SIL1: variants seen among roughly 807,000 people sequenced by gnomAD.
The protein encoded by SIL1 is nucleotide exchange factor SIL1.
SIL1 carries 40 observed loss-of-function variants against 49.1 expected under a neutral mutation model. That is an observed-to-expected ratio of 0.81 (90% CI 0.63 to 1.06). The LOEUF is 1.06. SIL1 is among the 50% of genes least tolerant of loss of function. The probability of loss-of-function intolerance (pLI) is 0.00; values close to 1 mark genes in which losing one functional copy is unlikely to be tolerated. For missense variants in SIL1, 500 were observed against 572.6 expected, an observed-to-expected ratio of 0.87 and a Z score of 1.29; for synonymous variants, 253 against 250.8, an observed-to-expected ratio of 1.01 and a Z score of -0.08.
At chr5:138,958,431 T>C (rs1303691097) in intron 7 of SIL1, among the ~76,000 whole-genome samples, 2 of 152,250 alleles carry the variant, frequency 1.3e-5, no homozygotes, top group African/African-American at 2.4e-5. Flanking sequence ...ATAAAAATAC[T>C]ATTTGTTCCT....
intron 7 of SIL1, among the ~76,000 whole-genome samples, chr5:139,004,940 C>T (rs1768075602): frequency 6.6e-6 from 1 of 151,998 alleles, no homozygotes; most frequent in Admixed American, 6.6e-5. Context: ...TGGTACTTAC[C>T]AAGGGCTGGG....
At chr5:139,022,654 G>T (rs953783650) in intron 6 of SIL1, 1 of 152,234 alleles carries the variant, frequency 6.6e-6, no homozygotes, top group Admixed American at 6.5e-5. Flanking sequence ...TGGGCCTCTG[G>T]TACCGCAGAC....
At chr5:139,011,512 T>C (rs1768271646) in intron 7 of SIL1, among the ~76,000 whole-genome samples, 1 of 152,214 alleles carries the variant, frequency 6.6e-6, no homozygotes, top group Admixed American at 6.5e-5. Flanking sequence ...TAAAAAATTA[T>C]TAATAGAGAC....
chr5:139,016,855 T>C (rs984999382), intron 7 of SIL1: 1 of 152,134 alleles, frequency 6.6e-6, no homozygotes, highest in Non-Finnish European at 1.5e-5. Context: ...TACTCTTTTT[T>C]TTTTCCCCCC....
At chr5:139,168,181 T>C (rs1205431594) in intron 1 of SIL1, among the ~76,000 whole-genome samples, 6 of 152,248 alleles carry the variant, frequency 3.9e-5, no homozygotes, top group Non-Finnish European at 7.3e-5. Flanking sequence ...TCTAGGTTTA[T>C]GTAAGTACAC....
At chr5:139,005,554 A>G (rs2150414972) in intron 7 of SIL1, among the ~76,000 whole-genome samples, 1 of 129,182 alleles carries the variant, frequency 7.7e-6, no homozygotes, top group East Asian at 2.3e-4. Flanking sequence ...TGCGCCCACT[A>G]ACTCATCATC....
At chr5:139,055,818 G>C (rs1004535214) in intron 3 of SIL1, among the ~76,000 whole-genome samples, 2 of 149,838 alleles carry the variant, frequency 1.3e-5, no homozygotes, top group African/African-American at 4.9e-5. Flanking sequence ...TTGCAGGCAC[G>C]CGCCGCCACG....
At chr5:138,985,022 G>A (rs538274442) in intron 7 of SIL1, among the ~76,000 whole-genome samples, 1 of 152,210 alleles carries the variant, frequency 6.6e-6, no homozygotes, top group African/African-American at 2.4e-5. Context: ...CGAGGTAATG[G>A]CAGGACATGG....
chr5:138,961,007 C>T (rs114000994), intron 7 of SIL1, among the ~76,000 whole-genome samples: 2,096 of 152,200 alleles, frequency 0.014, 49 homozygotes, highest in African/African-American at 0.047. Flanking sequence ...AATAATTCAT[C>T]AAGTAGAATG....
At chr5:139,197,866 G>C (rs575084775) in intron 1 of SIL1, among the ~76,000 whole-genome samples, 1 of 152,194 alleles carries the variant, frequency 6.6e-6, no homozygotes, top group African/African-American at 2.4e-5. Context: ...AGCAATAAGA[G>C]AGTGACAATA....
At chr5:139,082,520 C>G (rs545524579) in intron 3 of SIL1, among the ~76,000 whole-genome samples, 1 of 152,186 alleles carries the variant, frequency 6.6e-6, no homozygotes, top group Non-Finnish European at 1.5e-5. Context: ...AAGATAGGGC[C>G]TGGAAGCCCC....
intron 1 of SIL1, among the ~76,000 whole-genome samples, chr5:139,193,169 T>G (rs910639841): frequency 6.6e-6 from 1 of 152,012 alleles, no homozygotes; most frequent in Non-Finnish European, 1.5e-5. Flanking sequence ...GGGTGAAAAT[T>G]GATTCTTGGG....
intron 3 of SIL1, among the ~76,000 whole-genome samples, chr5:139,095,132 A>G (rs774699543): frequency 6.6e-6 from 1 of 152,120 alleles, no homozygotes; most frequent in African/African-American, 2.4e-5. Flanking sequence ...AGATTTCTCC[A>G]CTGTAAAGTG....
chr5:139,103,330 C>A (rs993906522), intron 3 of SIL1, among the ~76,000 whole-genome samples: 3 of 152,226 alleles, frequency 2.0e-5, no homozygotes, highest in Non-Finnish European at 4.4e-5. Context: ...CCCCCTGCCC[C>A]TTTCCTTCCT....
chr5:139,048,371 T>G (rs1453808180), intron 4 of SIL1, among the ~76,000 whole-genome samples: 4 of 75,968 alleles, frequency 5.3e-5, no homozygotes, highest in Non-Finnish European at 1.4e-4. Flanking sequence ...TGTTGTTGGT[T>G]TTTTTTTTTT....
intron 5 of SIL1, among the ~76,000 whole-genome samples, chr5:139,029,348 A>G (rs1173766782): frequency 6.6e-6 from 1 of 152,200 alleles, no homozygotes; most frequent in African/African-American, 2.4e-5. Flanking sequence ...GAAAGTGATA[A>G]AAAGGATGAA....
chr5:139,150,785 G>T (rs893000440), intron 1 of SIL1, among the ~76,000 whole-genome samples: 2 of 152,142 alleles, frequency 1.3e-5, no homozygotes, highest in African/African-American at 4.8e-5. Flanking sequence ...TGGTGCTGGC[G>T]TGAGTCCTCC....
At chr5:139,101,522 C>T (rs2151782671) in intron 3 of SIL1, among the ~76,000 whole-genome samples, 1 of 152,322 alleles carries the variant, frequency 6.6e-6, no homozygotes, top group South Asian at 2.1e-4. Context: ...TGTATAAATG[C>T]TGTAGCTTCC....
At chr5:138,966,097 G>T (rs1767132821) in intron 7 of SIL1, among the ~76,000 whole-genome samples, 3 of 152,198 alleles carry the variant, frequency 2.0e-5, no homozygotes, top group African/African-American at 7.2e-5. Flanking sequence ...AGGATTAAAT[G>T]AGATACCAAA....
Sources: gnomAD v4.1 joint callset for allele counts (sites outside exome capture counted in the v4.1 genomes callset) on GRCh38, gnomAD v4.1.1 for gene constraint, MANE v1.5 for transcripts, NCBI Gene and HGNC (gene_info 2026-07-23, HGNC 2026-07-21) for gene names.